Variants in RNF8 observed in about 807,000 individuals in gnomAD.
The protein encoded by RNF8 is ring finger protein 8.
In RNF8, 8 loss-of-function variants were observed where a neutral mutation model predicts 59.3. That is an observed-to-expected ratio of 0.13 (90% CI 0.08 to 0.24). The LOEUF (loss-of-function observed/expected upper bound fraction) is 0.24, where lower values mean the gene tolerates loss of function less well. Among genes scored for constraint, RNF8 ranks in the 10% least tolerant of loss-of-function variants. The pLI is 1.00. For missense variants in RNF8, 406 were observed against 572.6 expected, an observed-to-expected ratio of 0.71 and a Z score of 2.97; for synonymous variants, 162 against 200.0, an observed-to-expected ratio of 0.81 and a Z score of 1.60.
At chr6:37,363,832 G>C (rs769457812) in intron 2 of RNF8, among the ~76,000 whole-genome samples, 16 of 152,184 alleles carry the variant, frequency 1.1e-4, no homozygotes, top group Non-Finnish European at 1.9e-4. Context: ...CTATACTATA[G>C]TGAATATGAA....
At chr6:37,365,103 GA>G (rs952593831) in intron 2 of RNF8, among the ~76,000 whole-genome samples, 13 of 151,294 alleles carry the variant, frequency 8.6e-5, no homozygotes, top group Admixed American at 2.6e-4. Context: ...CAAAAACTGG[GA>G]AAAAAAACAA....
At chr6:37,380,006 C>G (rs1237980368) in intron 6 of RNF8, among the ~76,000 whole-genome samples, 6 of 152,150 alleles carry the variant, frequency 3.9e-5, no homozygotes, top group Non-Finnish European at 7.4e-5. Context: ...CTCTAGCTCC[C>G]AGGCTCTAGT....
chr6:37,360,707 C>G lies in RNF8; in HGVS notation c.240+133C>G. 1 of 807,802 alleles carries G rather than the reference C, an allele frequency of 1.2e-6. No individual in the cohort carries two copies. The highest frequency in any genetic ancestry group is 1.9e-6 in the Non-Finnish European group (1 of 539,356). 50.0% of individuals were successfully genotyped at this position (807,802 alleles called of 1,614,324 possible). ...TTTCCTAGCCATCCAGTTCCCTTTT[C>G]CAGAGGCAGCCACTTCCATATGCTG... On this transcript the variant is annotated intron_variant, in intron 2 of 7. Transcript: ENST00000373479. The surrounding 1 kb of genome is among the most constrained non-coding windows in gnomAD (Gnocchi z 4.2).
rs1215335187 is a variant in RNF8 at position 37,392,804 on chromosome 6, A to T, written c.*2046A>T. ...TATATCTTTAGAGAGAAGATATTTT[A>T]AAAAGAAATACCTTTTTAAAAATTA... On this transcript the variant is annotated 3_prime_UTR_variant, in exon 8 of 8. Coordinates refer to ENST00000373479, the MANE Select transcript of RNF8 (RefSeq NM_003958.4). 1 of 397,114 alleles carries T rather than the reference A, an allele frequency of 2.5e-6. No homozygotes were observed. The highest frequency in any genetic ancestry group is 3.6e-5 in the East Asian group (1 of 27,992). 24.6% of individuals were successfully genotyped at this position (397,114 alleles called of 1,614,324 possible).
chr6:37,379,252 G>A (rs1234485930), intron 6 of RNF8, among the ~76,000 whole-genome samples: 1 of 152,086 alleles, frequency 6.6e-6, no homozygotes, highest in Non-Finnish European at 1.5e-5. Context: ...CTGACCTCAG[G>A]TGATCTGCCT....
Position 37,371,499 on chromosome 6 carries a change from T to C in RNF8, c.976-13T>C. ...CCTGCAGAGAAACCTTCCATTTTGT[T>C]TTGGCTTTGCAGGGTTTGGAGATAG... On this transcript the variant is annotated splice_polypyrimidine_tract_variant and intron_variant, in intron 3 of 7. Transcript: ENST00000373479. 6.2e-7 allele frequency: 1 copy of C among 1,613,054 alleles called. No individual in the cohort carries two copies. Among genetic ancestry groups the C allele is most frequent in the African/African-American group, 1.3e-5 (1 of 74,994 alleles).
At chr6:37,359,106 A>T in intron 1 of RNF8, 1 of 409,760 alleles carries the variant, frequency 2.4e-6, no homozygotes, top group Non-Finnish European at 4.8e-6. Flanking sequence ...AAAAACAAAA[A>T]AAAATTAACA....
intron 6 of RNF8, among the ~76,000 whole-genome samples, chr6:37,378,551 A>G (rs1216546074): frequency 2.7e-5 from 4 of 147,148 alleles, no homozygotes; most frequent in African/African-American, 1.0e-4. Context: ...CAGTGAGCTG[A>G]TATCGCACCA....
At position 37,362,838 on chromosome 6, in the gene RNF8, T is replaced by C. The variant is rs139683186; in HGVS notation, c.240+2264T>C. ...AGAGCTTAAGTATAGATACAAAAAT[T>C]GCAAGAAATGTTATTTTGGTTTAAA... On this transcript the variant is annotated intron_variant, in intron 2 of 7. Transcript: ENST00000373479. 2.6e-3 allele frequency among the ~76,000 whole-genome samples: 389 copies of C among 152,318 alleles called. 1 individual carries two copies. The highest frequency in any genetic ancestry group is 8.9e-3 in the African/African-American group (372 of 41,582).
intron 1 of RNF8, among the ~76,000 whole-genome samples, chr6:37,356,502 T>C: frequency 6.6e-6 from 1 of 152,184 alleles, no homozygotes; most frequent in Non-Finnish European, 1.5e-5. Context: ...ATGGGAACAC[T>C]GTAGTAAATT....
At chr6:37,370,596 G>C (rs1769761251) in intron 3 of RNF8, among the ~76,000 whole-genome samples, 1 of 152,030 alleles carries the variant, frequency 6.6e-6, no homozygotes, top group South Asian at 2.1e-4. Context: ...AGTGTATCTA[G>C]TCCCTTGTTT....
At chr6:37,371,476 T>C in intron 3 of RNF8, 36 bp from the exon 4 acceptor site, 1 of 1,595,700 alleles carries the variant, frequency 6.3e-7, no homozygotes, top group Admixed American at 1.7e-5. Context: ...TTCTTTTCCC[T>C]GCAGAGAAAC....
rs981296487 is a variant in RNF8 at position 37,393,117 on chromosome 6, C to T, written c.*2359C>T. 2 of 152,944 alleles carry T rather than the reference C, an allele frequency of 1.3e-5. No individual in the cohort carries two copies. Among genetic ancestry groups the T allele is most frequent in the African/African-American group, 4.8e-5 (2 of 41,460 alleles). The allele number at this position is 152,944 out of a possible 1,614,324, so 9.5% of individuals were successfully genotyped here. On this transcript the variant is annotated 3_prime_UTR_variant, in exon 8 of 8. Coordinates refer to ENST00000373479, the MANE Select transcript of RNF8 (RefSeq NM_003958.4). ...TCCACAACATCTAGGAAAGTGAGCT[C>T]TTAAAGACAGACTAAAAAGAGTAAT...
chr6:37,354,065 T>A lies in RNF8; in HGVS notation c.-100T>A. 2.0e-6 allele frequency: 2 copies of A among 985,520 alleles called. No homozygotes were observed. The highest frequency in any genetic ancestry group is 2.7e-5 in the East Asian group (1 of 37,224). 61.0% of individuals were successfully genotyped at this position (985,520 alleles called of 1,614,324 possible). ...CGCGAGCGTGTGGCGATTGCTTCTGTCTGTTATTTAGATATGGAAGCTGAG... is the reference window on the plus strand; with the variant it reads ...CGCGAGCGTGTGGCGATTGCTTCTGACTGTTATTTAGATATGGAAGCTGAG... On this transcript the variant is annotated 5_prime_UTR_variant, in exon 1 of 8. Coordinates refer to ENST00000373479, the MANE Select transcript of RNF8 (RefSeq NM_003958.4).
chr6:37,375,604 A>G (rs1467295028), intron 5 of RNF8, among the ~76,000 whole-genome samples: 1 of 152,194 alleles, frequency 6.6e-6, no homozygotes, highest in East Asian at 1.9e-4. Flanking sequence ...TTTAAATCAC[A>G]TAATACCTTC....
rs894230803 is a variant in RNF8 at position 37,391,899 on chromosome 6, G to C, written c.*1141G>C. The C allele has an allele frequency of 6.6e-5, 10 of 152,266 alleles. No individual in the cohort carries two copies. Among genetic ancestry groups the C allele is most frequent in the African/African-American group, 2.4e-4 (10 of 41,452 alleles). 9.4% of individuals were successfully genotyped at this position (152,266 alleles called of 1,614,324 possible). On this transcript the variant is annotated 3_prime_UTR_variant, in exon 8 of 8. Transcript: ENST00000373479. ...ATTCCTGACCTTAAGTGATCCACCT[G>C]CCTAGGCCTCTAAAATGCTGGGATT...
intron 1 of RNF8, among the ~76,000 whole-genome samples, chr6:37,359,652 T>C (rs1241996676): frequency 6.6e-6 from 1 of 152,156 alleles, no homozygotes; most frequent in Non-Finnish European, 1.5e-5. Flanking sequence ...ATAGCATTTC[T>C]TGGAGGAGGG....
chr6:37,385,087 T>C (rs1439975787), intron 7 of RNF8, among the ~76,000 whole-genome samples: 4 of 151,784 alleles, frequency 2.6e-5, no homozygotes, highest in South Asian at 4.2e-4. Flanking sequence ...GATCTCGGCT[T>C]ACCACAACCT....
chr6:37,387,510 T>G (rs1322659855), intron 7 of RNF8, among the ~76,000 whole-genome samples: 1 of 151,970 alleles, frequency 6.6e-6, no homozygotes, highest in Non-Finnish European at 1.5e-5. Context: ...CTGGCTAATT[T>G]TTTGTATTTT....
Sources: gnomAD v4.1 joint callset for allele counts (sites outside exome capture counted in the v4.1 genomes callset) on GRCh38, gnomAD v4.1.1 for gene constraint, Gnocchi (gnomAD v3.1) non-coding constraint, MANE v1.5 for transcripts, NCBI Gene and HGNC (gene_info 2026-07-23, HGNC 2026-07-21) for gene names.